Variants in CAMK2D observed in about 807,000 individuals in gnomAD.
CAMK2D encodes the protein calcium/calmodulin-dependent protein kinase type II subunit delta.
Under a neutral mutation model 84.0 loss-of-function variants are expected in CAMK2D, and 37 were observed. That is an observed-to-expected ratio of 0.44 (90% CI 0.34 to 0.58). The LOEUF (loss-of-function observed/expected upper bound fraction) is 0.58. CAMK2D is among the 20% of genes least tolerant of loss of function. The probability of loss-of-function intolerance (pLI) is 0.02; values close to 1 mark genes in which losing one functional copy is unlikely to be tolerated. For missense variants in CAMK2D, 448 were observed against 652.5 expected, an observed-to-expected ratio of 0.69 and a Z score of 3.41; for synonymous variants, 202 against 212.5, an observed-to-expected ratio of 0.95 and a Z score of 0.43.
At chr4:113,513,287 G>A (rs1389792354) in intron 12 of CAMK2D, 41 bp downstream of exon 12, 1 of 1,597,590 alleles carries the variant, frequency 6.3e-7, no homozygotes, top group African/African-American at 1.3e-5. Flanking sequence ...TACTTAAAAA[G>A]AAGACCAAGG....
At chr4:113,503,078 T>A in intron 14 of CAMK2D, 101 bp from the exon 15 acceptor site, 1 of 842,292 alleles carries the variant, frequency 1.2e-6, no homozygotes, top group South Asian at 1.3e-5. Context: ...CAAAATGAAA[T>A]AGTGACAAGA....
At chr4:113,539,820 G>T (rs1030824363) in intron 6 of CAMK2D, among the ~76,000 whole-genome samples, 1 of 151,960 alleles carries the variant, frequency 6.6e-6, no homozygotes, top group Non-Finnish European at 1.5e-5. Context: ...ATATCTTTAG[G>T]CAAACCTAAA....
chr4:113,677,605 C>T (rs2099323940), intron 2 of CAMK2D: 2 of 918,622 alleles, frequency 2.2e-6, no homozygotes, highest in Non-Finnish European at 2.6e-6. Context: ...CGATGCAATA[C>T]CATCTAAATA....
At chr4:113,680,647 T>C (rs2099341596) in intron 2 of CAMK2D, among the ~76,000 whole-genome samples, 1 of 152,200 alleles carries the variant, frequency 6.6e-6, no homozygotes, top group Non-Finnish European at 1.5e-5. Context: ...ATTATCTGGC[T>C]ATGGACTGCT....
chr4:113,734,148 G>T (rs1189965951), intron 2 of CAMK2D, among the ~76,000 whole-genome samples: 1 of 151,856 alleles, frequency 6.6e-6, no homozygotes, highest in Non-Finnish European at 1.5e-5. Flanking sequence ...TTGAACTGAG[G>T]GCATAAAATA....
intron 2 of CAMK2D, among the ~76,000 whole-genome samples, chr4:113,692,769 G>A (rs1031450711): frequency 1.3e-5 from 2 of 150,302 alleles, no homozygotes; most frequent in Admixed American, 1.3e-4. Context: ...TACATATTCA[G>A]TGTATATATC....
chr4:113,744,001 C>T (rs935769890), intron 2 of CAMK2D, among the ~76,000 whole-genome samples: 9 of 152,110 alleles, frequency 5.9e-5, no homozygotes, highest in South Asian at 2.1e-4. Context: ...CCACCACACC[C>T]GGCTAAATTT....
intron 2 of CAMK2D, chr4:113,679,358 A>T: frequency 2.0e-6 from 1 of 496,274 alleles, no homozygotes; most frequent in Non-Finnish European, 2.6e-6. Context: ...TTAGACTCTT[A>T]TCCTCTTCTC....
rs560351615 is a variant in CAMK2D, at chr4:113,644,526, G to A, written c.220+17187C>T. Among the ~76,000 whole-genome samples, 3 of 152,280 alleles carry A rather than the reference G, an allele frequency of 2.0e-5. No individual in the cohort carries two copies. In the South Asian group the frequency reaches 6.2e-4, roughly 32 times the overall value. ...CCAAGAGGTAGGCAGCTATTATCCAGAGCTTTATCATGAGGCAAGAAATCT... is the reference window on the plus strand; with the variant it reads ...CCAAGAGGTAGGCAGCTATTATCCAAAGCTTTATCATGAGGCAAGAAATCT... On this transcript the variant is annotated intron_variant, in intron 3 of 20. Transcript: ENST00000511664.
At chr4:113,491,876 G>C (rs2097848509) in intron 16 of CAMK2D, among the ~76,000 whole-genome samples, 1 of 151,972 alleles carries the variant, frequency 6.6e-6, no homozygotes, top group South Asian at 2.1e-4. Flanking sequence ...TTGGGAGGGT[G>C]TATGTGTCCA....
At chr4:113,628,668 C>T (rs10010444) in intron 3 of CAMK2D, among the ~76,000 whole-genome samples, 4,345 of 151,824 alleles carry the variant, frequency 0.029, 217 homozygotes, top group African/African-American at 0.098. Context: ...GTAAATAAAA[C>T]GGGTATAAAA....
chr4:113,548,164 T>C (rs1221036392), intron 5 of CAMK2D, among the ~76,000 whole-genome samples: 2 of 152,258 alleles, frequency 1.3e-5, no homozygotes, highest in Admixed American at 1.3e-4. Context: ...AGATACCTAA[T>C]GAATTTTTGA....
chr4:113,595,176 G>C (rs1213171774), intron 4 of CAMK2D, among the ~76,000 whole-genome samples: 1 of 152,114 alleles, frequency 6.6e-6, no homozygotes, highest in Non-Finnish European at 1.5e-5. Flanking sequence ...TATTCTGTGA[G>C]ATTATCCTTC....
At position 113,609,201 on chromosome 4, in the gene CAMK2D, G is replaced by A; in HGVS notation, c.226C>T (p.Leu76Phe). 6.4e-7 allele frequency: 1 copy of A among 1,573,936 alleles called. No homozygotes were observed. The highest frequency in any genetic ancestry group is 8.7e-7 in the Non-Finnish European group (1 of 1,143,836). ...RLLKHPNIVR[L>F]HDSISEEGFH... is the part of the protein sequence containing the mutation. ...CCCTCTTCTGATATGCTATCATGAAGTCGCACTAGAAAAAAATAAGAGAAG... is the reference window on the plus strand; with the variant it reads ...CCCTCTTCTGATATGCTATCATGAAATCGCACTAGAAAAAAATAAGAGAAG... Residue 76 changes from leucine to phenylalanine, a missense_variant, in exon 4 of 21, where the codon CTT (leucine) becomes TTT (phenylalanine). By Grantham distance (22) the Leu-to-Phe change is conservative. Around this residue, in one of 7 missense-constraint regions of CAMK2D, gnomAD observed 46 missense variants for 46.3 expected, o/e 0.99. Coordinates refer to ENST00000511664, the MANE Select transcript of CAMK2D (RefSeq NM_001321571.2).
chr4:113,629,896 T>A (rs1047868270), intron 3 of CAMK2D, among the ~76,000 whole-genome samples: 3 of 151,742 alleles, frequency 2.0e-5, no homozygotes, highest in African/African-American at 7.3e-5. Context: ...GGAAATGATG[T>A]ATAATTCACA....
intron 2 of CAMK2D, among the ~76,000 whole-genome samples, chr4:113,691,384 A>G (rs2099386631): frequency 6.6e-6 from 1 of 152,206 alleles, no homozygotes; most frequent in Non-Finnish European, 1.5e-5. Flanking sequence ...TAATGGAAGG[A>G]ATAAAGGTAA....
intron 2 of CAMK2D, among the ~76,000 whole-genome samples, chr4:113,719,707 T>C (rs1394210429): frequency 6.6e-6 from 1 of 152,194 alleles, no homozygotes; most frequent in East Asian, 1.9e-4. Context: ...ACCTCTAAGA[T>C]CACTGTTCTC....
chr4:113,629,687 G>A (rs1175336276), intron 3 of CAMK2D, among the ~76,000 whole-genome samples: 1 of 150,658 alleles, frequency 6.6e-6, no homozygotes, highest in African/African-American at 2.4e-5. Flanking sequence ...GGCTAGTAGT[G>A]AATTGACTTA....
rs1056141346 is a variant in CAMK2D, at chr4:113,581,615, G to A, written c.275+27537C>T. Among the ~76,000 whole-genome samples, 5 of 151,158 alleles carry A rather than the reference G, an allele frequency of 3.3e-5. No individual in the cohort carries two copies. In the East Asian group the frequency reaches 9.7e-4, roughly 29 times the overall value. ...ATTTGATTTTTTTTTTCTTTAAAAG[G>A]TCTGAAATTTTCAGGTGAAAACTGA... On this transcript the variant is annotated intron_variant, in intron 4 of 20. Coordinates refer to ENST00000511664, the MANE Select transcript of CAMK2D (RefSeq NM_001321571.2).
Sources: allele counts gnomAD v4.1 joint callset (sites outside exome capture counted in the v4.1 genomes callset), GRCh38; gene constraint gnomAD v4.1.1; regional missense constraint gnomAD v4.1.1; transcripts MANE v1.5; gene names NCBI Gene and HGNC (gene_info 2026-07-23, HGNC 2026-07-21).